The following DIDO1 variants were observed in gnomAD, a reference collection of about 807,000 sequenced individuals.
DIDO1 encodes the protein death inducer-obliterator 1, also known as death-inducer obliterator 1.
DIDO1 carries 16 observed loss-of-function variants against 99.4 expected under a neutral mutation model. The ratio of observed to expected loss-of-function variants is 0.16; its 90% CI spans 0.11 to 0.24. The LOEUF (loss-of-function observed/expected upper bound fraction) is 0.24. DIDO1 is among the 10% of genes least tolerant of loss of function. The pLI is 1.00. For missense variants in DIDO1, 2,996 were observed against 3,014.0 expected (o/e 0.99, Z 0.14); for synonymous variants, 1,366 against 1,239.1 (o/e 1.10, Z -2.15).
In DIDO1 at chr20:62,899,131, C is replaced by G. The variant is rs1053946353; in HGVS notation, c.1589-2135G>C. The stretch of plus-strand genomic sequence containing the variant: ...CACCAGGCAGGCACCAGGAACCAAG[C>G]CCCGGTCTCCAGAGGCGGCAGACAG... On this transcript the variant is annotated intron_variant, in intron 6 of 15. Coordinates refer to ENST00000395343, the MANE Select transcript of DIDO1 (RefSeq NM_001193369.2). Among the ~76,000 whole-genome samples the G allele has an allele frequency of 7.2e-5, 11 of 152,318 alleles. No homozygotes were observed. The South Asian group carries it at 2.3e-3, about 32-fold the overall frequency.
intron 1 of DIDO1, among the ~76,000 whole-genome samples, chr20:62,935,707 T>C (rs2065375699): frequency 6.6e-6 from 1 of 152,206 alleles, no homozygotes; most frequent in East Asian, 1.9e-4. Context: ...ATAGCTGCGC[T>C]AACTTTACAC....
Position 62,879,941 on chromosome 20 carries a change from G to C in DIDO1, c.6015C>G (p.Thr2005=), listed in dbSNP as rs777658265. ...SAPFSEKNEQ[T]PSRFHFQGQA... ...GGCCCTGGAAGTGAAATCGCGAAGG[G>C]GTCTGCTCATTTTTTTCAGAAAAGG... is the stretch of plus-strand genomic sequence containing the variant. Residue 2005 remains threonine, a synonymous_variant, in exon 16 of 16, where the codon ACC becomes ACG. Coordinates refer to ENST00000395343, the MANE Select transcript of DIDO1 (RefSeq NM_001193369.2). The surrounding 1 kb of genome is among the most constrained non-coding windows in gnomAD (Gnocchi z 6.3). 2 of 1,604,466 alleles carry C rather than the reference G, an allele frequency of 1.2e-6. No individual in the cohort carries two copies. Among genetic ancestry groups the C allele is most frequent in the Admixed American group, 1.7e-5 (1 of 57,756 alleles).
In DIDO1 at chr20:62,894,297, T is replaced by C; in HGVS notation, c.2573-103A>G. ...CTCTAAAGGCAGGGCAGGAAATCAT[T>C]CTGGCCCTTCTGCGTGTTTAAGCTT... On this transcript the variant is annotated intron_variant, in intron 11 of 15. Transcript: ENST00000395343. This position sits in a 1 kb window ranked among gnomAD's most constrained non-coding sequence, Gnocchi z 4.4. 6.4e-7 allele frequency: 1 copy of C among 1,572,004 alleles called. No individual in the cohort carries two copies. Among genetic ancestry groups the C allele is most frequent in the South Asian group, 1.1e-5 (1 of 87,170 alleles).
chr20:62,897,675 G>A (rs367621724), intron 6 of DIDO1, among the ~76,000 whole-genome samples: 11 of 152,290 alleles, frequency 7.2e-5, no homozygotes, highest in East Asian at 3.9e-4. Flanking sequence ...ATCCAAACAA[G>A]GATTATAATT....
At chr20:62,922,109 TACAC>T (rs58178322) in intron 1 of DIDO1, among the ~76,000 whole-genome samples, 9,177 of 110,580 alleles carry the variant, frequency 0.083, 392 homozygotes, top group Middle Eastern at 0.18. Flanking sequence ...ACTATATATA[TACAC>T]ACACACACAC....
chr20:62,896,172 T>C lies in DIDO1; in HGVS notation c.2214+61A>G. On this transcript the variant is annotated intron_variant, in intron 8 of 15. Transcript: ENST00000395343. The surrounding 1 kb of genome is among the most constrained non-coding windows in gnomAD (Gnocchi z 4.4). ...ACGAACATCTCAAAATATTGGTTGA[T>C]CCCTTTAGCACCCAGCGAACAGAAC... 6.7e-7 allele frequency: 1 copy of C among 1,489,780 alleles called. No homozygotes were observed. Among genetic ancestry groups the C allele is most frequent in the South Asian group, 1.3e-5 (1 of 78,700 alleles). 92.3% of individuals were successfully genotyped at this position (1,489,780 alleles called of 1,614,324 possible).
intron 6 of DIDO1, chr20:62,905,571 G>A (rs1424915362): frequency 4.5e-6 from 7 of 1,551,100 alleles, no homozygotes; most frequent in Non-Finnish European, 6.1e-6. Context: ...AATCAGACTG[G>A]GATGAAGAGA....
intron 6 of DIDO1, among the ~76,000 whole-genome samples, chr20:62,898,036 G>A (rs1054275081): frequency 6.6e-6 from 1 of 152,204 alleles, no homozygotes; most frequent in East Asian, 1.9e-4. Context: ...CTTTTCCAAC[G>A]ATCGGTACAG....
intron 15 of DIDO1, 70 bp downstream of exon 15, chr20:62,890,889 AG>A (rs1188440163): frequency 1.2e-6 from 2 of 1,611,678 alleles, no homozygotes; most frequent in African/African-American, 2.7e-5. Flanking sequence ...AGGACTCAGC[AG>A]GGCATGTCAG....
intron 4 of DIDO1, among the ~76,000 whole-genome samples, chr20:62,909,089 T>G (rs2064869441): frequency 6.6e-6 from 1 of 152,376 alleles, no homozygotes; most frequent in South Asian, 2.1e-4. Context: ...AAGGCAGAGA[T>G]GCTTCTAGAC....
upstream of DIDO1, chr20:62,928,815 G>A (rs2065293790): frequency 6.6e-6 from 1 of 152,156 alleles, no homozygotes; most frequent in African/African-American, 2.4e-5. Flanking sequence ...AGCTTAATAG[G>A]TGGTCCATGG....
chr20:62,934,536 C>T (rs1422791440), intron 1 of DIDO1, among the ~76,000 whole-genome samples: 1 of 152,184 alleles, frequency 6.6e-6, no homozygotes, highest in African/African-American at 2.4e-5. Flanking sequence ...CTTGACCCCC[C>T]TCCCTGCTCC....
intron 1 of DIDO1, among the ~76,000 whole-genome samples, chr20:62,920,670 T>C (rs758420654): frequency 7.0e-4 from 107 of 152,220 alleles, no homozygotes; most frequent in Non-Finnish European, 1.3e-3. Flanking sequence ...CAAAGCAGTC[T>C]GCACAACACC....
chr20:62,891,208 C>T, intron 14 of DIDO1, 53 bp from the exon 15 acceptor site: 1 of 1,609,178 alleles, frequency 6.2e-7, no homozygotes, highest in East Asian at 2.2e-5. Flanking sequence ...TCAAGCATCA[C>T]ACGCCCAATT....
Position 62,895,133 on chromosome 20 carries a change from G to T in DIDO1, c.2247C>A (p.Ile749=). Residue 749 remains isoleucine (I), a synonymous_variant, in exon 9 of 16, where the codon ATC becomes ATA. Coordinates refer to ENST00000395343, the MANE Select transcript of DIDO1 (RefSeq NM_001193369.2). ...TCAGTCTCACAAGTTTCGCCAAAGA[G>T]ATTTCCTCACGCAGAACACGATGGA... The part of the protein sequence containing the change: ...GLFHRVLREE[I]SLAKLVRLKP... 6.2e-7 allele frequency: 1 copy of T among 1,611,824 alleles called. No individual in the cohort carries two copies. Among genetic ancestry groups the T allele is most frequent in the Non-Finnish European group, 8.5e-7 (1 of 1,178,084 alleles).
chr20:62,907,188 T>C lies in DIDO1; in HGVS notation c.1333A>G (p.Met445Val), dbSNP rs540712305. The change falls in exon 5 of 16, where the codon ATG becomes GTG. Residue 445 changes from methionine to valine, a missense_variant. Physicochemically the swap from Met to Val is conservative, Grantham distance 21. This residue lies in a region of DIDO1 where 898 missense variants were observed against 972.7 expected (regional missense o/e 0.92). Transcript: ENST00000395343. ...GGAAGACTGGGCTTCTCTGGCTTCA[T>C]CTTCATCTTTTCTTTAGGCTTTGGC... ...QKPKPKEKMK[M>V]KPEKPSLPKC... 2 of 1,614,214 alleles carry C rather than the reference T, an allele frequency of 1.2e-6. No homozygotes were observed. Among genetic ancestry groups the C allele is most frequent in the African/African-American group, 1.3e-5 (1 of 75,060 alleles).
At chr20:62,930,133 G>A (rs1330142562), upstream of DIDO1, among the ~76,000 whole-genome samples, 1 of 151,994 alleles carries the variant, frequency 6.6e-6, no homozygotes, top group East Asian at 1.9e-4. Flanking sequence ...CCAGCTACTC[G>A]GGAGGCTAAG....
chr20:62,907,446 T>A, intron 4 of DIDO1, 87 bp from the exon 5 acceptor site: 1 of 1,255,586 alleles, frequency 8.0e-7, no homozygotes, highest in Non-Finnish European at 1.1e-6. Context: ...CCATTTATAG[T>A]ACCAAGGCCA....
intron 15 of DIDO1, chr20:62,888,007 G>C: frequency 1.0e-6 from 1 of 985,484 alleles, no homozygotes; most frequent in Non-Finnish European, 1.2e-6. Flanking sequence ...TCCAGCTACT[G>C]CTGTGAACTG....
Sources: gnomAD v4.1 joint callset for allele counts (sites outside exome capture counted in the v4.1 genomes callset) on GRCh38, gnomAD v4.1.1 for gene constraint, gnomAD v4.1.1 regional missense constraint, Gnocchi (gnomAD v3.1) non-coding constraint, MANE v1.5 for transcripts, NCBI Gene and HGNC (gene_info 2026-07-23, HGNC 2026-07-21) for gene names.